Variants in CHD6 observed in about 807,000 individuals in gnomAD.
The protein encoded by CHD6 is chromodomain helicase DNA binding protein 6, also known as ATP-dependent chromatin remodeler CHD6.
A neutral mutation model predicts 276.9 loss-of-function variants in CHD6; 50 were observed. The observed-to-expected ratio is 0.18, with a 90% CI of 0.14 to 0.23. The LOEUF is 0.23. CHD6 is among the 10% of genes least tolerant of loss of function. The probability of loss-of-function intolerance (pLI) is 1.00; values close to 1 mark genes in which losing one functional copy is unlikely to be tolerated. For synonymous variants in CHD6, 1,173 were observed against 1,229.3 expected (o/e 0.95, Z 0.96); for missense variants, 2,564 against 3,365.8 (o/e 0.76, Z 5.89).
At chr20:41,491,640 G>C in intron 11 of CHD6, 58 bp downstream of exon 11, 1 of 1,608,612 alleles carries the variant, frequency 6.2e-7, no homozygotes, top group Non-Finnish European at 8.5e-7. Flanking sequence ...AGGTGTTCCA[G>C]GCTAAGGCAA....
At chr20:41,590,526 A>C (rs955235070) in intron 1 of CHD6, among the ~76,000 whole-genome samples, 1 of 152,236 alleles carries the variant, frequency 6.6e-6, no homozygotes, top group African/African-American at 2.4e-5. Context: ...AGAAAAAAAC[A>C]ACCCCATCAA....
rs563260262 is a variant in CHD6, at chr20:41,518,434, AGCAAC to A, written c.555-3487_555-3483del. Among the ~76,000 whole-genome samples, 4 of 152,148 alleles carry A rather than the reference AGCAAC, an allele frequency of 2.6e-5. No individual in the cohort carries two copies. The South Asian group carries it at 8.3e-4, about 32-fold the overall frequency. Reference sequence around the variant, plus strand: ...CACTAGGAGACTTGTGTGCATTTTGAGCAACATGTTAAATGTTGAAAGGAGGGGGG... The same window carrying A: ...CACTAGGAGACTTGTGTGCATTTTGAATGTTAAATGTTGAAAGGAGGGGGG... On this transcript the variant is annotated intron_variant, in intron 3 of 36. Transcript: ENST00000373233.
At chr20:41,494,977 C>G (rs192967503) in intron 8 of CHD6, among the ~76,000 whole-genome samples, 3 of 152,190 alleles carry the variant, frequency 2.0e-5, no homozygotes, top group Admixed American at 1.3e-4. Flanking sequence ...GCTTCCTTTA[C>G]AGCAGCAATA....
At chr20:41,438,792 G>T (rs560101370) in intron 26 of CHD6, among the ~76,000 whole-genome samples, 2 of 152,262 alleles carry the variant, frequency 1.3e-5, no homozygotes, top group South Asian at 4.1e-4. Context: ...ATCAGTGAAT[G>T]AACATGAGAA....
chr20:41,534,159 AGTCG>A (rs1158953695), intron 2 of CHD6, among the ~76,000 whole-genome samples: 1 of 152,242 alleles, frequency 6.6e-6, no homozygotes, highest in Non-Finnish European at 1.5e-5. Context: ...GGTTGGTGAT[AGTCG>A]GTAACAATGT....
At chr20:41,498,811 A>ATGTATGTATGTATGTGTG (rs1555796111) in intron 6 of CHD6, among the ~76,000 whole-genome samples, 8 of 86,548 alleles carry the variant, frequency 9.2e-5, no homozygotes, top group Non-Finnish European at 1.8e-4. Flanking sequence ...GTATGTATGT[A>ATGTATGTATGTATGTGTG]TGTGTGTGTG....
chr20:41,458,404 T>C (rs903210606), intron 17 of CHD6, among the ~76,000 whole-genome samples: 4 of 152,240 alleles, frequency 2.6e-5, no homozygotes, highest in Admixed American at 6.5e-5. Flanking sequence ...CTGCAGTTAT[T>C]ATTCTTATTG....
chr20:41,479,903 T>C (rs2043256881), intron 16 of CHD6, among the ~76,000 whole-genome samples: 1 of 152,082 alleles, frequency 6.6e-6, no homozygotes, highest in Non-Finnish European at 1.5e-5. Context: ...AGAACAAACA[T>C]AACACATACA....
intron 3 of CHD6, among the ~76,000 whole-genome samples, chr20:41,524,299 T>C (rs1296127073): frequency 6.6e-6 from 1 of 151,996 alleles, no homozygotes; most frequent in African/African-American, 2.4e-5. Flanking sequence ...AAAGAAAAAA[T>C]ATAAAAAGAC....
At chr20:41,538,246 G>A (rs1317929104) in intron 2 of CHD6, among the ~76,000 whole-genome samples, 1 of 152,212 alleles carries the variant, frequency 6.6e-6, no homozygotes, top group African/African-American at 2.4e-5. Flanking sequence ...AGCTACTTGG[G>A]AGGCTAAGGC....
intron 24 of CHD6, 150 bp downstream of exon 24, chr20:41,447,732 T>C (rs2048113812): frequency 2.0e-6 from 1 of 496,076 alleles, no homozygotes; most frequent in Non-Finnish European, 3.6e-6. Context: ...CTTATTCTAC[T>C]TGCCTGTTCT....
chr20:41,406,443 T>A lies in CHD6; in HGVS notation c.7252-954A>T, dbSNP rs573710236. On this transcript the variant is annotated intron_variant, in intron 36 of 36. Transcript: ENST00000373233. ...ATCAGGATGGCTGAGCTGCACAGAA[T>A]CCTGGGGGAGGGCAGATTGCTCCAG... 9.1e-4 allele frequency among the ~76,000 whole-genome samples: 138 copies of A among 152,254 alleles called. No individual in the cohort carries two copies. The Middle Eastern group carries it at 0.01, about 11-fold the overall frequency.
intron 10 of CHD6, 52 bp downstream of exon 10, chr20:41,493,486 T>C: frequency 6.3e-7 from 1 of 1,577,058 alleles, no homozygotes; most frequent in Non-Finnish European, 8.6e-7. Context: ...ATTGCAAAGT[T>C]CATAAAATTA....
chr20:41,435,987 T>A (rs576592882), intron 27 of CHD6, among the ~76,000 whole-genome samples: 23 of 152,260 alleles, frequency 1.5e-4, no homozygotes, highest in East Asian at 3.9e-4. Context: ...TAATTTTTTT[T>A]AATTTTTTAA....
intron 2 of CHD6, among the ~76,000 whole-genome samples, chr20:41,538,328 G>A (rs1485651941): frequency 6.6e-6 from 1 of 152,050 alleles, no homozygotes; most frequent in African/African-American, 2.4e-5. Flanking sequence ...TCCAGCCTAG[G>A]TGACAAAGTG....
At position 41,514,838 on chromosome 20, in the gene CHD6, A is replaced by T. The variant is rs540200372; in HGVS notation, c.669T>A (p.Ser223Arg). The change falls in exon 4 of 37, where the codon AGT becomes AGA. Residue 223 changes from serine (S) to arginine (R), a missense_variant. Physicochemically the swap from Ser to Arg is moderately radical, Grantham distance 110. Around this residue, in one of 7 missense-constraint regions of CHD6, gnomAD observed 286 missense variants for 297.8 expected, o/e 0.96. Coordinates refer to ENST00000373233, the MANE Select transcript of CHD6 (RefSeq NM_032221.5). ...CTGTAGACTCAGTGGACTCCTCAGGACTCCGCAGAGATGGGTTCGTCAGGC... is the reference window on the plus strand; with the variant it reads ...CTGTAGACTCAGTGGACTCCTCAGGTCTCCGCAGAGATGGGTTCGTCAGGC... ...DQGLTNPSLR[S>R]PEESTESTDS... 1.9e-6 allele frequency: 3 copies of T among 1,613,786 alleles called. No homozygotes were observed. The East Asian group carries it at 6.7e-5, about 36-fold the overall frequency.
intron 3 of CHD6, among the ~76,000 whole-genome samples, chr20:41,529,718 G>A (rs1258317961): frequency 3.3e-5 from 5 of 152,052 alleles, no homozygotes; most frequent in South Asian, 2.1e-4. Flanking sequence ...CAGGTATAGC[G>A]CCAGAGATGG....
At chr20:41,594,459 C>T (rs2045697380) in intron 1 of CHD6, among the ~76,000 whole-genome samples, 1 of 152,172 alleles carries the variant, frequency 6.6e-6, no homozygotes, top group South Asian at 2.1e-4. Flanking sequence ...GCTATCATGC[C>T]CTTTGACTAT....
At chr20:41,530,573 T>C (rs2044660042) in intron 3 of CHD6, among the ~76,000 whole-genome samples, 1 of 152,198 alleles carries the variant, frequency 6.6e-6, no homozygotes, top group Non-Finnish European at 1.5e-5. Context: ...TGTGTATATA[T>C]ATACATGTAT....
Sources: gnomAD v4.1 joint callset for allele counts (sites outside exome capture counted in the v4.1 genomes callset) on GRCh38, gnomAD v4.1.1 for gene constraint, gnomAD v4.1.1 regional missense constraint, MANE v1.5 for transcripts, NCBI Gene and HGNC (gene_info 2026-07-23, HGNC 2026-07-21) for gene names.